RNF145: variants seen among roughly 807,000 people sequenced by gnomAD.
RNF145 encodes the protein ring finger protein 145.
RNF145 carries 12 observed loss-of-function variants against 57.3 expected under a neutral mutation model. The observed-to-expected ratio is 0.21, with a 90% CI of 0.13 to 0.34. The LOEUF (loss-of-function observed/expected upper bound fraction) is 0.34, where lower values mean the gene tolerates loss of function less well. RNF145 is among the 10% of genes least tolerant of loss of function. The pLI, the probability that RNF145 is intolerant of heterozygous loss-of-function variation, is 1.00. For synonymous variants in RNF145, 262 were observed against 288.3 expected (o/e 0.91, Z 0.92); for missense variants, 429 against 799.0 (o/e 0.54, Z 5.58).
rs777032379 is a variant in RNF145 at position 159,176,842 on chromosome 5, G to A, written c.411C>T (p.Cys137=). ...TCTGCTTTGTTTTCATGACACAGGA[G>A]CATAAAGTACACACCACCAACTGAC... ...LIGQLVVCTL[C]SCVMKTKQIW... is the part of the protein sequence containing the mutation. Residue 137 remains cysteine, a synonymous_variant, in exon 5 of 11, where the codon TGC becomes TGT. Transcript: ENST00000424310. The A allele has an allele frequency of 2.5e-6, 4 of 1,610,714 alleles. No homozygotes were observed. The highest frequency in any genetic ancestry group is 1.3e-5 in the African/African-American group (1 of 74,842).
At chr5:159,190,299 G>A (rs1785243414) in intron 3 of RNF145, among the ~76,000 whole-genome samples, 1 of 152,114 alleles carries the variant, frequency 6.6e-6, no homozygotes, top group Non-Finnish European at 1.5e-5. Context: ...CTCCCAAAAT[G>A]CTGGGATTAC....
At chr5:159,174,265 G>C (rs1784645253) in intron 5 of RNF145, 107 bp from the exon 6 acceptor site, 1 of 731,566 alleles carries the variant, frequency 1.4e-6, no homozygotes, top group Admixed American at 3.1e-5. Flanking sequence ...TTCTTTGATT[G>C]CAAGACTGTT....
At chr5:159,175,355 C>T (rs374661760) in intron 5 of RNF145, among the ~76,000 whole-genome samples, 3 of 152,164 alleles carry the variant, frequency 2.0e-5, no homozygotes, top group East Asian at 1.9e-4. Flanking sequence ...TTCCTGGTCA[C>T]GCATTTTATA....
rs1380269484 is a variant in RNF145 at position 159,209,455 on chromosome 5, G to C, written c.-264C>G. 1.0e-6 allele frequency: 1 copy of C among 982,478 alleles called. No individual in the cohort carries two copies. The highest frequency in any genetic ancestry group is 1.2e-6 in the Non-Finnish European group (1 of 827,204). 60.9% of individuals were successfully genotyped at this position (982,478 alleles called of 1,614,324 possible). The stretch of plus-strand genomic sequence containing the variant: ...CCGGCCCGTACGGTCACCATCGTCC[G>C]CGGCAGCAGGCGCTCGCGGGCCGAG... On this transcript the variant is annotated 5_prime_UTR_variant, in exon 1 of 11. Transcript: ENST00000424310.
chr5:159,198,476 G>A (rs1226765739), intron 2 of RNF145, among the ~76,000 whole-genome samples: 1 of 152,118 alleles, frequency 6.6e-6, no homozygotes, highest in Non-Finnish European at 1.5e-5. Flanking sequence ...GTATGGAGCT[G>A]CCAGTCAGCC....
intron 3 of RNF145, among the ~76,000 whole-genome samples, chr5:159,190,045 T>C (rs1785234765): frequency 6.6e-6 from 1 of 152,182 alleles, no homozygotes; most frequent in South Asian, 2.1e-4. Context: ...TGTATACATA[T>C]ATACAGCTTG....
At chr5:159,204,244 A>G (rs1785777851) in intron 1 of RNF145, among the ~76,000 whole-genome samples, 1 of 152,204 alleles carries the variant, frequency 6.6e-6, no homozygotes, top group Non-Finnish European at 1.5e-5. Context: ...GAATCTTTAA[A>G]GTTAAATATG....
chr5:159,181,171 A>C (rs1784881789), intron 4 of RNF145, among the ~76,000 whole-genome samples: 2 of 151,952 alleles, frequency 1.3e-5, no homozygotes, highest in African/African-American at 4.8e-5. Flanking sequence ...AATAAAAATA[A>C]AAGTGTAACT....
rs142520767 is a variant in RNF145, at chr5:159,160,035, C to G, written c.1627-1000G>C. On this transcript the variant is annotated intron_variant, in intron 10 of 10. Coordinates refer to ENST00000424310, the MANE Select transcript of RNF145 (RefSeq NM_001199383.2). The stretch of plus-strand genomic sequence containing the variant: ...ATATCAACAGGTAGTTCTAGCACCT[C>G]AAAAAAAGTGATGTGACAACAGGAA... Among the ~76,000 whole-genome samples, 231 of 152,072 alleles carry G rather than the reference C, an allele frequency of 1.5e-3. 1 individual carries two copies. The highest frequency in any genetic ancestry group is 5.2e-3 in the African/African-American group (217 of 41,510).
chr5:159,165,082 T>C (rs1373138639), intron 8 of RNF145, among the ~76,000 whole-genome samples: 1 of 147,810 alleles, frequency 6.8e-6, no homozygotes, highest in Non-Finnish European at 1.5e-5. Flanking sequence ...GACGATGTAC[T>C]GTCATCATTT....
rs1784215175 is a variant in RNF145 at position 159,161,545 on chromosome 5, A to G, written c.1347T>C (p.Asp449=). The change falls in exon 10 of 11, where the codon GAT becomes GAC. Residue 449 remains aspartate, a synonymous_variant. Transcript: ENST00000424310. The part of the protein sequence containing the change: ...FRKEPVENMD[D]VIYYVNGTYR... ...AAGTGCCATTCACATAGTAGATGACATCATCCATGTTTTCCACTGGCTCTT... is the reference window on the plus strand; with the variant it reads ...AAGTGCCATTCACATAGTAGATGACGTCATCCATGTTTTCCACTGGCTCTT... The G allele has an allele frequency of 1.2e-6, 2 of 1,614,098 alleles. No homozygotes were observed. Among genetic ancestry groups the G allele is most frequent in the East Asian group, 4.5e-5 (2 of 44,886 alleles).
intron 5 of RNF145, among the ~76,000 whole-genome samples, chr5:159,176,300 A>G (rs1283376794): frequency 6.6e-6 from 1 of 152,134 alleles, no homozygotes; most frequent in Non-Finnish European, 1.5e-5. Flanking sequence ...AATCTCACAG[A>G]ACTCTATGAG....
At position 159,181,989 on chromosome 5, in the gene RNF145, G is replaced by C. The variant is rs1260703146; in HGVS notation, c.356C>G (p.Ser119Cys). 2 of 1,607,706 alleles carry C rather than the reference G, an allele frequency of 1.2e-6. No homozygotes were observed. The highest frequency in any genetic ancestry group is 1.7e-5 in the Admixed American group (1 of 59,948). ...TAAGGCTGTGGTAAACCGATTCATA[G>C]AGAGAGGTTCTAAATACATTGGTCC... ...YEGPMYLEPL[S>C]MNRFTTALIG... Residue 119 changes from serine to cysteine, a missense_variant, in exon 4 of 11, where the codon TCT (serine) becomes TGT (cysteine). By Grantham distance (112) the Ser-to-Cys change is moderately radical. This residue lies in a region of RNF145 where 109 missense variants were observed against 207.2 expected (regional missense o/e 0.53). Transcript: ENST00000424310.
At chr5:159,174,246 A>G (rs1434309238) in intron 5 of RNF145, 88 bp from the exon 6 acceptor site, 1 of 867,890 alleles carries the variant, frequency 1.2e-6, no homozygotes. Flanking sequence ...GTAAAATATT[A>G]AATAGCTTTT....
intron 3 of RNF145, among the ~76,000 whole-genome samples, chr5:159,194,068 G>C (rs1785373014): frequency 6.6e-6 from 1 of 152,104 alleles, no homozygotes; most frequent in South Asian, 2.1e-4. Flanking sequence ...AGCAGACTTA[G>C]GTACACAGAC....
chr5:159,174,210 C>G, intron 5 of RNF145, 52 bp from the exon 6 acceptor site: 3 of 1,219,410 alleles, frequency 2.5e-6, no homozygotes, highest in Non-Finnish European at 3.4e-6. Flanking sequence ...TCAATAAACA[C>G]TTTAAACACT....
intron 6 of RNF145, among the ~76,000 whole-genome samples, chr5:159,171,886 TATC>T (rs1313300562): frequency 6.6e-6 from 1 of 152,078 alleles, no homozygotes; most frequent in Non-Finnish European, 1.5e-5. Context: ...ACAACATTCT[TATC>T]ATGAAAAAAG....
intron 6 of RNF145, among the ~76,000 whole-genome samples, chr5:159,172,597 C>T (rs1015654957): frequency 1.3e-5 from 2 of 152,122 alleles, no homozygotes; most frequent in Non-Finnish European, 2.9e-5. Context: ...CATCAACTTA[C>T]TGCATGTTTA....
At chr5:159,174,269 G>T in intron 5 of RNF145, 111 bp from the exon 6 acceptor site, 1 of 699,908 alleles carries the variant, frequency 1.4e-6, no homozygotes. Context: ...TTGATTGCAA[G>T]ACTGTTTCAG....
Sources: allele counts gnomAD v4.1 joint callset (sites outside exome capture counted in the v4.1 genomes callset), GRCh38; gene constraint gnomAD v4.1.1; regional missense constraint gnomAD v4.1.1; transcripts MANE v1.5; gene names NCBI Gene and HGNC (gene_info 2026-07-23, HGNC 2026-07-21).